Variants in NUDT3 observed in about 807,000 individuals in gnomAD.
The protein encoded by NUDT3 is nudix hydrolase 3, also known as diphosphoinositol polyphosphate phosphohydrolase 1.
NUDT3 carries 9 observed loss-of-function variants against 23.6 expected under a neutral mutation model. That is an observed-to-expected ratio of 0.38 (90% confidence interval 0.23 to 0.66). The LOEUF (loss-of-function observed/expected upper bound fraction) is 0.66, where lower values mean the gene tolerates loss of function less well. NUDT3 is among the 30% of genes least tolerant of loss of function. NUDT3 has a pLI of 0.52. For missense variants in NUDT3, 172 were observed against 218.5 expected, an observed-to-expected ratio of 0.79 and a Z score of 1.34; for synonymous variants, 86 against 82.6, an observed-to-expected ratio of 1.04 and a Z score of -0.22.
Position 34,293,456 on chromosome 6 carries a change from T to C in NUDT3, c.335A>G (p.Asn112Ser). 6.2e-7 allele frequency: 1 copy of C among 1,614,164 alleles called. No homozygotes were observed. The highest frequency in any genetic ancestry group is 1.1e-5 in the South Asian group (1 of 91,086). ...EVLEDWEDSVNIGRKREWFKI... is the reference protein window; with the variant it reads ...EVLEDWEDSVSIGRKREWFKI... Reference sequence around the variant, plus strand: ...GCTGTCTGGAGATGGCTTACCAATGTTAACTGAATCTTCCCAGTCTTCCAG... The same window carrying C: ...GCTGTCTGGAGATGGCTTACCAATGCTAACTGAATCTTCCCAGTCTTCCAG... The change falls in exon 4 of 5, where the codon AAC becomes AGC. Residue 112 changes from asparagine to serine, a missense_variant. Asn to Ser is a conservative substitution (Grantham distance 46). Coordinates refer to ENST00000607016, the MANE Select transcript of NUDT3 (RefSeq NM_006703.4).
chr6:34,293,792 A>C (rs1454576059), intron 3 of NUDT3, among the ~76,000 whole-genome samples: 1 of 152,166 alleles, frequency 6.6e-6, no homozygotes, highest in Non-Finnish European at 1.5e-5. Context: ...ATACAACTTA[A>C]CAGGAATACT....
chr6:34,350,732 T>C (rs1337974518), intron 1 of NUDT3, among the ~76,000 whole-genome samples: 1 of 150,720 alleles, frequency 6.6e-6, no homozygotes, highest in East Asian at 1.9e-4. Flanking sequence ...CTAAAAAAAA[T>C]GCTAAAAGGA....
In NUDT3 at chr6:34,285,962, A is replaced by C. The variant is rs993616520; in HGVS notation, c.*2791T>G. 6.6e-6 allele frequency: 1 copy of C among 152,236 alleles called. No homozygotes were observed. Among genetic ancestry groups the C allele is most frequent in the Non-Finnish European group, 1.5e-5 (1 of 68,040 alleles). The allele number at this position is 152,236 out of a possible 1,614,324, so 9.4% of individuals were successfully genotyped here. Reference sequence around the variant, plus strand: ...CACAGTTCACTTTCCTGACCCAAAGACACCAACAACAATCAAAACTGCACT... The same window carrying C: ...CACAGTTCACTTTCCTGACCCAAAGCCACCAACAACAATCAAAACTGCACT... On this transcript the variant is annotated 3_prime_UTR_variant, in exon 5 of 5. Coordinates refer to ENST00000607016, the MANE Select transcript of NUDT3 (RefSeq NM_006703.4).
chr6:34,368,840 G>A (rs758510961), intron 1 of NUDT3, among the ~76,000 whole-genome samples: 3 of 152,118 alleles, frequency 2.0e-5, no homozygotes, highest in Non-Finnish European at 2.9e-5. Flanking sequence ...GGGTTTCACC[G>A]TGTTAGCCAG....
chr6:34,381,791 T>G (rs1765021825), intron 1 of NUDT3, among the ~76,000 whole-genome samples: 1 of 151,882 alleles, frequency 6.6e-6, no homozygotes, highest in African/African-American at 2.4e-5. Flanking sequence ...TATTAAATAA[T>G]CGGCTGGGCA....
At chr6:34,358,117 A>G (rs1454169326) in intron 1 of NUDT3, among the ~76,000 whole-genome samples, 1 of 152,116 alleles carries the variant, frequency 6.6e-6, no homozygotes, top group Admixed American at 6.6e-5. Context: ...GTAGTATTCT[A>G]TTTTAAGTAT....
rs1763319009 is a variant in NUDT3 at position 34,285,123 on chromosome 6, TGA to T, written c.*3628_*3629del. Reference sequence around the variant, plus strand: ...AGATGGCTCAGCCTAGATCTAGCAGTGAGAGAGCCCTCTCCATGCAGGGCAGA... The same window carrying T: ...AGATGGCTCAGCCTAGATCTAGCAGTGAGAGCCCTCTCCATGCAGGGCAGA... On this transcript the variant is annotated 3_prime_UTR_variant, in exon 5 of 5. Transcript: ENST00000607016. 1 of 152,180 alleles carries T rather than the reference TGA, an allele frequency of 6.6e-6. No individual in the cohort carries two copies. The highest frequency in any genetic ancestry group is 2.1e-4 in the South Asian group (1 of 4,832). 9.4% of individuals were successfully genotyped at this position (152,180 alleles called of 1,614,324 possible).
intron 4 of NUDT3, among the ~76,000 whole-genome samples, chr6:34,289,359 G>C (rs776557662): frequency 3.3e-5 from 5 of 152,162 alleles, no homozygotes; most frequent in Non-Finnish European, 5.9e-5. Context: ...TTGAGCCCAG[G>C]AGTTTGAGAC....
intron 2 of NUDT3, among the ~76,000 whole-genome samples, chr6:34,311,608 CCAGA>C (rs1254371637): frequency 1.7e-4 from 26 of 152,110 alleles, no homozygotes; most frequent in African/African-American, 4.1e-4. Flanking sequence ...ATGCAAAAGC[CCAGA>C]CAGTCAACTC....
chr6:34,336,938 C>T lies in NUDT3; in HGVS notation c.210+4924G>A, dbSNP rs183569702. 5.5e-3 allele frequency among the ~76,000 whole-genome samples: 841 copies of T among 152,232 alleles called. 11 individuals are homozygous for T. The highest frequency in any genetic ancestry group is 4.8e-3 in the Non-Finnish European group (326 of 68,004). The stretch of plus-strand genomic sequence containing the variant: ...TAAACATCTTGAAAACTAAGTGAAT[C>T]TCTAAACAGTGCTTTGTTTACAAAA... On this transcript the variant is annotated intron_variant, in intron 2 of 4. Transcript: ENST00000607016.
At chr6:34,333,967 G>C (rs558029007) in intron 2 of NUDT3, among the ~76,000 whole-genome samples, 1 of 152,350 alleles carries the variant, frequency 6.6e-6, no homozygotes, top group South Asian at 2.1e-4. Context: ...AATAAAAGCA[G>C]TAAGCTAAGA....
chr6:34,368,381 G>C (rs1764772738), intron 1 of NUDT3, among the ~76,000 whole-genome samples: 1 of 152,172 alleles, frequency 6.6e-6, no homozygotes, highest in Non-Finnish European at 1.5e-5. Context: ...AACTCTTGGA[G>C]GAATAACTGA....
chr6:34,294,293 G>A (rs1351356011), intron 3 of NUDT3, among the ~76,000 whole-genome samples: 1 of 151,532 alleles, frequency 6.6e-6, no homozygotes, highest in East Asian at 2.0e-4. Context: ...GCCAATTTTT[G>A]TATTTTTTTG....
At chr6:34,319,055 C>T (rs991832199) in intron 2 of NUDT3, among the ~76,000 whole-genome samples, 2 of 150,246 alleles carry the variant, frequency 1.3e-5, no homozygotes, top group Non-Finnish European at 3.0e-5. Context: ...AAAAAAAGGG[C>T]TGGGATGGTA....
chr6:34,344,273 CA>C (rs1485468584), intron 1 of NUDT3, among the ~76,000 whole-genome samples: 6 of 151,824 alleles, frequency 4.0e-5, no homozygotes, highest in African/African-American at 1.5e-4. Flanking sequence ...TTACAATAGC[CA>C]AAAGGTAAAA....
intron 1 of NUDT3, among the ~76,000 whole-genome samples, chr6:34,342,767 C>T (rs1180417273): frequency 6.6e-6 from 1 of 152,188 alleles, no homozygotes; most frequent in East Asian, 1.9e-4. Flanking sequence ...TCAACTGCTC[C>T]CTAAACCATT....
intron 1 of NUDT3, 44 bp downstream of exon 1, chr6:34,392,220 G>T (rs757370020): frequency 1.3e-6 from 2 of 1,494,132 alleles, no homozygotes; most frequent in East Asian, 2.5e-5. Flanking sequence ...ACCCGAAGGG[G>T]CCGGAGACCC....
intron 1 of NUDT3, among the ~76,000 whole-genome samples, chr6:34,374,050 G>A (rs1341231753): frequency 1.3e-5 from 2 of 151,038 alleles, no homozygotes; most frequent in African/African-American, 2.4e-5. Context: ...CCAGCTACTT[G>A]GGAGGCTGAG....
At chr6:34,315,634 AT>A in intron 2 of NUDT3, among the ~76,000 whole-genome samples, 1 of 152,336 alleles carries the variant, frequency 6.6e-6, no homozygotes, top group South Asian at 2.1e-4. Flanking sequence ...ATAAATATGT[AT>A]TCAAAAGAAA....
Sources: gnomAD v4.1 joint callset for allele counts (sites outside exome capture counted in the v4.1 genomes callset) on GRCh38, gnomAD v4.1.1 for gene constraint, MANE v1.5 for transcripts, NCBI Gene and HGNC (gene_info 2026-07-23, HGNC 2026-07-21) for gene names.